The following CILK1 variants were observed in gnomAD, a reference collection of about 807,000 sequenced individuals.
CILK1 encodes the protein ciliogenesis associated kinase 1.
Under a neutral mutation model 79.2 loss-of-function variants are expected in CILK1, and 47 were observed. The observed-to-expected ratio is 0.59, with a 90% CI of 0.47 to 0.76. The LOEUF is 0.76. Among genes scored for constraint, CILK1 ranks in the 30% least tolerant of loss-of-function variants. The pLI, the probability that CILK1 is intolerant of heterozygous loss-of-function variation, is 0.00. For synonymous variants in CILK1, 266 were observed against 275.9 expected, an observed-to-expected ratio of 0.96 and a Z score of 0.36; for missense variants, 660 against 769.5, an observed-to-expected ratio of 0.86 and a Z score of 1.68.
intron 13 of CILK1, among the ~76,000 whole-genome samples, chr6:53,006,063 T>C (rs1764201400): frequency 6.6e-6 from 1 of 152,208 alleles, no homozygotes; most frequent in Non-Finnish European, 1.5e-5. Context: ...CTATCTAAAA[T>C]TGTAACCTGT....
At chr6:53,042,372 C>T (rs201286234) in intron 1 of CILK1, among the ~76,000 whole-genome samples, 6 of 152,162 alleles carry the variant, frequency 3.9e-5, no homozygotes, top group Admixed American at 3.9e-4. Flanking sequence ...ATGAAAATTT[C>T]GCTAAATATA....
At position 53,017,321 on chromosome 6, in the gene CILK1, C is replaced by T. The variant is rs372377069; in HGVS notation, c.663+1009G>A. The stretch of plus-strand genomic sequence containing the variant: ...TTATGGTCTAGGAAACAACTATGTA[C>T]GCAAATAATAATATTAATAACATAG... On this transcript the variant is annotated intron_variant, in intron 7 of 13. Transcript: ENST00000676107. Among the ~76,000 whole-genome samples the T allele has an allele frequency of 4.2e-4, 64 of 151,986 alleles. 1 individual carries two copies. In the East Asian group the frequency reaches 6.8e-3, roughly 16 times the overall value.
chr6:53,013,899 T>C lies in CILK1; in HGVS notation c.915A>G (p.Lys305=). 6.2e-7 allele frequency: 1 copy of C among 1,614,146 alleles called. No individual in the cohort carries two copies. The highest frequency in any genetic ancestry group is 8.5e-7 in the Non-Finnish European group (1 of 1,179,994). ...GTGGGCCTGCCTTTTCCAGGATGCC[T>C]TTCTGTGGTTTTTCTGAATCCTGAA... ...QNLQDSEKPQ[K]GILEKAGPPP... The change falls in exon 9 of 14, where the codon AAA becomes AAG. Residue 305 remains lysine (K), a synonymous_variant. Transcript: ENST00000676107.
chr6:53,027,676 C>T (rs1186416034), intron 5 of CILK1, among the ~76,000 whole-genome samples: 2 of 152,166 alleles, frequency 1.3e-5, no homozygotes, highest in African/African-American at 2.4e-5. Flanking sequence ...CATACAAAAA[C>T]CATTAGACAA....
At chr6:53,009,407 T>C (rs1366647707) in intron 12 of CILK1, 32 bp downstream of exon 12, 2 of 1,612,064 alleles carry the variant, frequency 1.2e-6, no homozygotes, top group South Asian at 2.2e-5. Flanking sequence ...AATTTGCTTT[T>C]TGCCATTTAG....
At chr6:53,037,530 A>C (rs1766437466) in intron 3 of CILK1, among the ~76,000 whole-genome samples, 1 of 152,168 alleles carries the variant, frequency 6.6e-6, no homozygotes, top group Non-Finnish European at 1.5e-5. Flanking sequence ...CAACAAGCGC[A>C]AGGGTGTGGG....
intron 1 of CILK1, among the ~76,000 whole-genome samples, chr6:53,045,965 T>G (rs1767051059): frequency 6.6e-6 from 1 of 152,212 alleles, no homozygotes; most frequent in South Asian, 2.1e-4. Flanking sequence ...ATCTGCATTT[T>G]GTAATCCAGT....
intron 1 of CILK1, among the ~76,000 whole-genome samples, chr6:53,053,364 G>A (rs1290176226): frequency 6.6e-6 from 1 of 150,398 alleles, no homozygotes; most frequent in Non-Finnish European, 1.5e-5. Flanking sequence ...TCACTACAAC[G>A]AATCTACACT....
Position 53,013,924 on chromosome 6 carries a change from A to C in CILK1, c.890T>G (p.Leu297Arg). The C allele has an allele frequency of 6.2e-7, 1 of 1,614,088 alleles. No homozygotes were observed. Among genetic ancestry groups the C allele is most frequent in the African/African-American group, 1.3e-5 (1 of 75,018 alleles). ...TTTCTGTGGTTTTTCTGAATCCTGAAGGTTTTGTGTGGTGCTGCCTAGTGG... is the reference window on the plus strand; with the variant it reads ...TTTCTGTGGTTTTTCTGAATCCTGACGGTTTTGTGTGGTGCTGCCTAGTGG... ...GHPLGSTTQN[L>R]QDSEKPQKGI... is the part of the protein sequence containing the mutation. Residue 297 changes from leucine to arginine, a missense_variant, in exon 9 of 14, where the codon CTT becomes CGT. Transcript: ENST00000676107.
At chr6:53,018,569 A>C in intron 6 of CILK1, 68 bp from the exon 7 acceptor site, 1 of 1,458,590 alleles carries the variant, frequency 6.9e-7, no homozygotes. Flanking sequence ...AATAACAATC[A>C]GTTCTCAGTG....
chr6:53,010,626 C>A (rs1207505296), intron 11 of CILK1, among the ~76,000 whole-genome samples: 2 of 152,210 alleles, frequency 1.3e-5, no homozygotes, highest in African/African-American at 4.8e-5. Flanking sequence ...ACAGGACAAG[C>A]CCTCTCCTGC....
At chr6:53,011,163 A>G (rs1224379297) in intron 11 of CILK1, among the ~76,000 whole-genome samples, 1 of 152,082 alleles carries the variant, frequency 6.6e-6, no homozygotes, top group Non-Finnish European at 1.5e-5. Context: ...TGGTTTCCCT[A>G]TTGGCCATTT....
chr6:53,045,814 T>C (rs1369669367), intron 1 of CILK1, among the ~76,000 whole-genome samples: 1 of 144,788 alleles, frequency 6.9e-6, no homozygotes, highest in Non-Finnish European at 1.5e-5. Context: ...AAAAAATTCC[T>C]GGAAGCTTGA....
chr6:53,042,862 G>A (rs1766805200), intron 1 of CILK1, among the ~76,000 whole-genome samples: 1 of 152,166 alleles, frequency 6.6e-6, no homozygotes, highest in African/African-American at 2.4e-5. Flanking sequence ...AGTAAGATCT[G>A]TTGTTAGTAG....
At position 53,001,685 on chromosome 6, in the gene CILK1, T is replaced by C. The variant is rs1160086198; in HGVS notation, c.*3464A>G. On this transcript the variant is annotated 3_prime_UTR_variant, in exon 14 of 14. Coordinates refer to ENST00000676107, the MANE Select transcript of CILK1 (RefSeq NM_014920.5). The stretch of plus-strand genomic sequence containing the variant: ...TCCATGAGAAGGTCCTCACAATAAA[T>C]TATATAACAGTACAGTACATTTGTT... The C allele has an allele frequency of 1.3e-5, 2 of 152,664 alleles. No individual in the cohort carries two copies. Among genetic ancestry groups the C allele is most frequent in the African/African-American group, 2.4e-5 (1 of 41,460 alleles). 9.5% of individuals were successfully genotyped at this position (152,664 alleles called of 1,614,324 possible).
At chr6:53,009,657 G>T (rs760248100) in intron 11 of CILK1, 90 bp from the exon 12 acceptor site, 226 of 1,127,678 alleles carry the variant, frequency 2.0e-4, no homozygotes, top group Non-Finnish European at 2.9e-4. Context: ...AACTCAATTT[G>T]TCAAAAACTC....
chr6:53,043,132 A>C (rs1766819620), intron 1 of CILK1, among the ~76,000 whole-genome samples: 1 of 152,062 alleles, frequency 6.6e-6, no homozygotes, highest in Admixed American at 6.6e-5. Context: ...CCTGGCCAAC[A>C]TGGTGAAACC....
intron 1 of CILK1, among the ~76,000 whole-genome samples, chr6:53,059,981 G>A (rs1037837677): frequency 4.6e-5 from 7 of 152,078 alleles, no homozygotes; most frequent in African/African-American, 1.7e-4. Flanking sequence ...TATAGAAGGA[G>A]GGATCCATAT....
chr6:53,009,479 T>G lies in CILK1; in HGVS notation c.1581A>C (p.Lys527Asn), dbSNP rs765565131. The change falls in exon 12 of 14, where the codon AAA (lysine) becomes AAC (asparagine). Residue 527 changes from lysine (K) to asparagine (N), a missense_variant. Physicochemically the swap from Lys to Asn is moderately conservative, Grantham distance 94. Transcript: ENST00000676107. ...NPWSSSGLSG[K>N]SSGTMSVISK... ...TGATTACTGACATTGTCCCTGAAGATTTTCCAGACAAGCCAGAACTAGACC... is the reference window on the plus strand; with the variant it reads ...TGATTACTGACATTGTCCCTGAAGAGTTTCCAGACAAGCCAGAACTAGACC... 3 of 1,613,864 alleles carry G rather than the reference T, an allele frequency of 1.9e-6. No individual in the cohort carries two copies. Among genetic ancestry groups the G allele is most frequent in the Non-Finnish European group, 2.5e-6 (3 of 1,179,834 alleles).
Sources: allele counts gnomAD v4.1 joint callset (sites outside exome capture counted in the v4.1 genomes callset), GRCh38; gene constraint gnomAD v4.1.1; transcripts MANE v1.5; gene names NCBI Gene and HGNC (gene_info 2026-07-23, HGNC 2026-07-21).